Variants in SMARCA2 observed in about 807,000 individuals in gnomAD.
The protein encoded by SMARCA2 is SWI/SNF related BAF chromatin remodeling complex subunit ATPase 2.
In SMARCA2, 61 loss-of-function variants were observed where a neutral mutation model predicts 199.8. The ratio of observed to expected loss-of-function variants is 0.31; its 90% CI spans 0.25 to 0.38. SMARCA2 has a LOEUF of 0.38. SMARCA2 is among the 10% of genes least tolerant of loss of function. The pLI is 1.00. For synonymous variants in SMARCA2, 935 were observed against 732.0 expected (o/e 1.28, Z -4.48); for missense variants, 1,344 against 2,012.2 (o/e 0.67, Z 6.35).
intron 27 of SMARCA2, among the ~76,000 whole-genome samples, chr9:2,143,740 A>G (rs1158586285): frequency 6.6e-6 from 1 of 152,210 alleles, no homozygotes; most frequent in African/African-American, 2.4e-5. Flanking sequence ...ACAAAGAGAA[A>G]TATTTGCTTG....
intron 9 of SMARCA2, among the ~76,000 whole-genome samples, chr9:2,063,204 AG>A (rs755597745): frequency 2.0e-5 from 3 of 152,214 alleles, no homozygotes; most frequent in Non-Finnish European, 4.4e-5. Flanking sequence ...AAAAAAGAAA[AG>A]AAACTGAGGC....
intron 12 of SMARCA2, among the ~76,000 whole-genome samples, chr9:2,074,090 T>G (rs965842180): frequency 6.6e-6 from 1 of 152,126 alleles, no homozygotes; most frequent in Non-Finnish European, 1.5e-5. Flanking sequence ...TTTAATGAGT[T>G]TATTGATCCT....
intron 26 of SMARCA2, among the ~76,000 whole-genome samples, chr9:2,122,758 A>G (rs555782112): frequency 6.6e-6 from 1 of 152,360 alleles, no homozygotes; most frequent in East Asian, 1.9e-4. Context: ...CAAAGGAAGA[A>G]GGAAAAGGTA....
rs917407831 is a variant in SMARCA2 at position 2,101,630 on chromosome 9, T to A, written c.3125+14T>A. On this transcript the variant is annotated intron_variant, in intron 22 of 33. Transcript: ENST00000349721. ...GGTCATCAATGGGTAAATCTCAAAT[T>A]TTTTTTTCTTTTAAAAAAAAATGTT... is the stretch of plus-strand genomic sequence containing the variant. The A allele has an allele frequency of 6.2e-6, 9 of 1,445,606 alleles. No individual in the cohort carries two copies. Among genetic ancestry groups the A allele is most frequent in the Non-Finnish European group, 7.7e-6 (8 of 1,037,744 alleles). The allele number at this position is 1,445,606 out of a possible 1,614,324, so 89.5% of individuals were successfully genotyped here. A position where few individuals can be genotyped will look rare whatever the true frequency, so the allele number is the denominator to read the frequency against.
chr9:2,057,377 C>A (rs1410233847), intron 7 of SMARCA2, among the ~76,000 whole-genome samples: 1 of 152,196 alleles, frequency 6.6e-6, no homozygotes. Flanking sequence ...CCGAAGACCC[C>A]ACCTCCTAAT....
intron 24 of SMARCA2, among the ~76,000 whole-genome samples, chr9:2,113,650 C>A (rs1303424549): frequency 6.6e-6 from 1 of 152,166 alleles, no homozygotes; most frequent in African/African-American, 2.4e-5. Flanking sequence ...CTGAAACACA[C>A]AAACACACAT....
chr9:2,061,207 C>T (rs1001714971), intron 9 of SMARCA2, among the ~76,000 whole-genome samples: 2 of 152,090 alleles, frequency 1.3e-5, no homozygotes, highest in African/African-American at 4.8e-5. Flanking sequence ...TAAACTAAAA[C>T]AATGTTGTTC....
chr9:2,167,551 C>T (rs148383400), intron 28 of SMARCA2, among the ~76,000 whole-genome samples: 44 of 152,286 alleles, frequency 2.9e-4, no homozygotes, highest in African/African-American at 8.9e-4. Context: ...AACACAGCTC[C>T]GGGGCACAGA....
chr9:2,077,495 A>C (rs1013500410), intron 13 of SMARCA2, 134 bp from the exon 14 acceptor site: 1 of 785,662 alleles, frequency 1.3e-6, no homozygotes, highest in Admixed American at 2.4e-5. Flanking sequence ...TATTAACTGC[A>C]TGGCAAGTCG....
At position 2,149,207 on chromosome 9, in the gene SMARCA2, ATG is replaced by A. The variant is rs1491407376; in HGVS notation, c.3982-12478_3982-12477del. Reference sequence around the variant, plus strand: ...TCTTACATGGTGGCGGCAAGAGAAAATGAGAGAGATGCAAAAGTGGAAACCCC... The same window carrying A: ...TCTTACATGGTGGCGGCAAGAGAAAAAGAGAGATGCAAAAGTGGAAACCCC... On this transcript the variant is annotated intron_variant, in intron 27 of 33. Coordinates refer to ENST00000349721, the MANE Select transcript of SMARCA2 (RefSeq NM_003070.5). Among the ~76,000 whole-genome samples, 13 of 151,338 alleles carry A rather than the reference ATG, an allele frequency of 8.6e-5. 1 individual carries two copies. The highest frequency in any genetic ancestry group is 3.3e-4 in the Admixed American group (5 of 15,196).
chr9:2,119,501 T>C lies in SMARCA2; in HGVS notation c.3728T>C (p.Ile1243Thr). The C allele has an allele frequency of 6.2e-7, 1 of 1,613,348 alleles. No individual in the cohort carries two copies. The highest frequency in any genetic ancestry group is 1.3e-5 in the African/African-American group (1 of 75,020). Residue 1243 changes from isoleucine to threonine, a missense_variant, in exon 26 of 34, where the codon ATT (isoleucine) becomes ACT (threonine). By Grantham distance (89) the Ile-to-Thr change is moderately conservative. Coordinates refer to ENST00000349721, the MANE Select transcript of SMARCA2 (RefSeq NM_003070.5). The surrounding 1 kb of genome is among the most constrained non-coding windows in gnomAD (Gnocchi z 4.6). Reference protein sequence around the residue: ...VPDDETLNQMIARREEEFDLF... With the variant: ...VPDDETLNQMTARREEEFDLF... ...GACGATGAGACTCTGAACCAAATGA[T>C]TGCTCGACGAGAAGAAGAATTTGAC...
intron 32 of SMARCA2, among the ~76,000 whole-genome samples, chr9:2,190,620 T>C (rs1054415885): frequency 2.0e-5 from 3 of 146,820 alleles, no homozygotes; most frequent in Non-Finnish European, 3.0e-5. Context: ...TTTTATAGAA[T>C]ATGTAGAATC....
At chr9:2,129,334 C>G (rs1047677228) in intron 27 of SMARCA2, among the ~76,000 whole-genome samples, 19 of 152,176 alleles carry the variant, frequency 1.2e-4, no homozygotes, top group African/African-American at 4.6e-4. Context: ...AGGGGAATCG[C>G]TTGAACCCGG....
intron 1 of SMARCA2, among the ~76,000 whole-genome samples, chr9:2,027,150 A>C (rs1360261130): frequency 3.9e-5 from 6 of 152,222 alleles, no homozygotes; most frequent in Non-Finnish European, 4.4e-5. Flanking sequence ...TTATTTATAA[A>C]ATTAACTGAA....
At chr9:2,140,570 A>C (rs946016435) in intron 27 of SMARCA2, among the ~76,000 whole-genome samples, 4 of 152,204 alleles carry the variant, frequency 2.6e-5, no homozygotes, top group African/African-American at 9.7e-5. Flanking sequence ...GTTTTTATGT[A>C]AACTGTAAAG....
chr9:2,150,920 A>C (rs1275935146), intron 27 of SMARCA2, among the ~76,000 whole-genome samples: 1 of 151,558 alleles, frequency 6.6e-6, no homozygotes, highest in Non-Finnish European at 1.5e-5. Context: ...GAAAGACAGC[A>C]GTCATATAGG....
intron 23 of SMARCA2, among the ~76,000 whole-genome samples, chr9:2,109,861 AT>A (rs1452406125): frequency 6.6e-6 from 1 of 152,166 alleles, no homozygotes; most frequent in Non-Finnish European, 1.5e-5. Flanking sequence ...TTAAGCCATT[AT>A]TACAGTTTTA....
At chr9:2,147,241 CAAAAAAAA>C (rs5895958) in intron 27 of SMARCA2, among the ~76,000 whole-genome samples, 1 of 106,526 alleles carries the variant, frequency 9.4e-6, no homozygotes, top group African/African-American at 3.4e-5. Flanking sequence ...ACTGAGTGAC[CAAAAAAAA>C]AAAAAAAAAA....
intron 27 of SMARCA2, among the ~76,000 whole-genome samples, chr9:2,151,688 G>T (rs1825090024): frequency 6.6e-6 from 1 of 152,074 alleles, no homozygotes. Flanking sequence ...AGCCAAGATT[G>T]TACCACTGCA....
Sources: gnomAD v4.1 joint callset for allele counts (sites outside exome capture counted in the v4.1 genomes callset) on GRCh38, gnomAD v4.1.1 for gene constraint, Gnocchi (gnomAD v3.1) non-coding constraint, MANE v1.5 for transcripts, NCBI Gene and HGNC (gene_info 2026-07-23, HGNC 2026-07-21) for gene names.